The following FAM227B variants were observed in gnomAD, a reference collection of about 807,000 sequenced individuals.
The protein encoded by FAM227B is protein FAM227B.
FAM227B carries 88 observed loss-of-function variants against 73.8 expected under a neutral mutation model. That is an observed-to-expected ratio of 1.19 (90% confidence interval 1.00 to 1.42). FAM227B has a LOEUF of 1.42. Ranked by LOEUF, FAM227B falls within the 40% of genes most tolerant of loss-of-function variation. The pLI is 0.00. For synonymous variants in FAM227B, 210 were observed against 190.5 expected, an observed-to-expected ratio of 1.10 and a Z score of -0.84; for missense variants, 632 against 590.9, an observed-to-expected ratio of 1.07 and a Z score of -0.72.
At chr15:49,340,137 A>G (rs193280933) in intron 13 of FAM227B, among the ~76,000 whole-genome samples, 3 of 152,064 alleles carry the variant, frequency 2.0e-5, no homozygotes, top group African/African-American at 7.2e-5. Flanking sequence ...GTTCTGTCTC[A>G]CTGGTGTTCC....
chr15:49,587,533 T>C (rs2076242248), intron 5 of FAM227B, among the ~76,000 whole-genome samples: 2 of 152,140 alleles, frequency 1.3e-5, no homozygotes, highest in South Asian at 2.1e-4. Context: ...GCTAGACTAA[T>C]GGTGATACAA....
chr15:49,365,961 G>T, intron 13 of FAM227B: 1 of 866,652 alleles, frequency 1.2e-6, no homozygotes, highest in South Asian at 1.3e-5. Context: ...CTAACCATTT[G>T]TGGAAGAAAT....
intron 11 of FAM227B, chr15:49,422,439 A>G: frequency 2.4e-6 from 2 of 840,452 alleles, no homozygotes; most frequent in Non-Finnish European, 3.2e-6. Context: ...CAATATTCTT[A>G]TTGAGGCAAA....
intron 13 of FAM227B, among the ~76,000 whole-genome samples, chr15:49,363,050 G>A (rs1374207057): frequency 6.6e-6 from 1 of 152,132 alleles, no homozygotes; most frequent in Non-Finnish European, 1.5e-5. Flanking sequence ...CTGAATTTGG[G>A]TAACATGATT....
chr15:49,335,367 A>G, intron 14 of FAM227B, 52 bp downstream of exon 14: 1 of 1,193,374 alleles, frequency 8.4e-7, no homozygotes, highest in South Asian at 1.3e-5. Context: ...GATTGTTTCC[A>G]GTTCTAAAAA....
chr15:49,405,710 A>G (rs960810132), intron 11 of FAM227B, among the ~76,000 whole-genome samples: 20 of 152,170 alleles, frequency 1.3e-4, no homozygotes, highest in African/African-American at 4.8e-4. Context: ...CATCTCAATG[A>G]TCTTCATTTC....
chr15:49,508,531 T>A (rs1232122394), intron 10 of FAM227B, among the ~76,000 whole-genome samples, 183 bp from the exon 11 acceptor site: 1 of 152,050 alleles, frequency 6.6e-6, no homozygotes, highest in Non-Finnish European at 1.5e-5. Flanking sequence ...ATCTGTATCC[T>A]CAGCAATAAA....
chr15:49,519,166 A>C (rs969201155), intron 10 of FAM227B, among the ~76,000 whole-genome samples: 7 of 152,180 alleles, frequency 4.6e-5, no homozygotes, highest in African/African-American at 1.7e-4. Context: ...GATGCAAGAG[A>C]TGGGCTCCCA....
intron 3 of FAM227B, chr15:49,606,267 CTAAG>C (rs911844537): frequency 2.6e-5 from 4 of 152,010 alleles, no homozygotes; most frequent in South Asian, 2.1e-4. Context: ...GTCATTTCTC[CTAAG>C]TATTTTTTTT....
chr15:49,591,713 C>T lies in FAM227B; in HGVS notation c.106-1706G>A, dbSNP rs553175581. Among the ~76,000 whole-genome samples, 7 of 152,094 alleles carry T rather than the reference C, an allele frequency of 4.6e-5. No individual in the cohort carries two copies. The East Asian group carries it at 1.4e-3, about 30-fold the overall frequency. On this transcript the variant is annotated intron_variant, in intron 3 of 15. Coordinates refer to ENST00000299338, the MANE Select transcript of FAM227B (RefSeq NM_152647.3). ...TGTTGGCCAGGCTGGTCTTGAACTC[C>T]TGACCTTGTGATCTGCTCACCTCGG...
intron 11 of FAM227B, among the ~76,000 whole-genome samples, chr15:49,477,978 G>C (rs1473777114): frequency 6.6e-6 from 1 of 151,992 alleles, no homozygotes; most frequent in East Asian, 1.9e-4. Flanking sequence ...CTGTTACCTG[G>C]GTATATTGTG....
At chr15:49,439,835 A>G (rs536625850) in intron 11 of FAM227B, among the ~76,000 whole-genome samples, 1 of 151,862 alleles carries the variant, frequency 6.6e-6, no homozygotes, top group South Asian at 2.1e-4. Context: ...GGTTGTATGA[A>G]ACAAAGACAA....
At chr15:49,347,764 A>G (rs2041711687) in intron 13 of FAM227B, among the ~76,000 whole-genome samples, 1 of 152,198 alleles carries the variant, frequency 6.6e-6, no homozygotes. Context: ...CACGCCAGTA[A>G]TCTCAACACT....
intron 10 of FAM227B, among the ~76,000 whole-genome samples, chr15:49,523,453 T>A (rs1818308): frequency 0.25 from 37,941 of 152,174 alleles, 5,705 homozygotes; most frequent in Non-Finnish European, 0.35. Flanking sequence ...TCCACCACGA[T>A]TGTGAGGCCT....
chr15:49,448,107 A>C (rs17478785), intron 11 of FAM227B, among the ~76,000 whole-genome samples: 41,283 of 151,538 alleles, frequency 0.27, 6,853 homozygotes, highest in Non-Finnish European at 0.38. Flanking sequence ...AATATGAAGC[A>C]ACATATTATG....
chr15:49,534,065 T>G (rs1030955462), intron 10 of FAM227B, among the ~76,000 whole-genome samples: 1 of 151,846 alleles, frequency 6.6e-6, no homozygotes, highest in Non-Finnish European at 1.5e-5. Context: ...AGTTACCATG[T>G]GACTTACATA....
chr15:49,596,228 C>T (rs1054362453), intron 3 of FAM227B, among the ~76,000 whole-genome samples: 7 of 151,820 alleles, frequency 4.6e-5, no homozygotes, highest in African/African-American at 1.7e-4. Context: ...CATCAGGTAA[C>T]CTATAGAGGA....
intron 9 of FAM227B, 147 bp downstream of exon 9, chr15:49,568,098 A>T: frequency 3.1e-6 from 2 of 639,080 alleles, no homozygotes; most frequent in Non-Finnish European, 5.2e-6. Context: ...TAAGAGCATA[A>T]CTTTCAAAAT....
intron 11 of FAM227B, among the ~76,000 whole-genome samples, chr15:49,421,387 T>C (rs1420250474): frequency 2.6e-5 from 4 of 152,258 alleles, no homozygotes; most frequent in Non-Finnish European, 4.4e-5. Context: ...TTGTTGATAT[T>C]AATCTGTTCA....
Sources: gnomAD v4.1 joint callset for allele counts (sites outside exome capture counted in the v4.1 genomes callset) on GRCh38, gnomAD v4.1.1 for gene constraint, MANE v1.5 for transcripts, NCBI Gene and HGNC (gene_info 2026-07-23, HGNC 2026-07-21) for gene names.